The following MON1B variants were observed in gnomAD, a reference collection of about 807,000 sequenced individuals.
MON1B encodes the protein MON1 vesicular trafficking associated B, also known as vacuolar fusion protein MON1 homolog B.
A neutral mutation model predicts 45.1 loss-of-function variants in MON1B; 26 were observed. The observed-to-expected ratio is 0.58, with a 90% CI of 0.42 to 0.80. MON1B has a LOEUF of 0.80. Ranked by LOEUF, MON1B falls within the 30% of genes least tolerant of loss-of-function variation. The pLI is 0.00. For synonymous variants in MON1B, 395 were observed against 320.2 expected (o/e 1.23, Z -2.49); for missense variants, 737 against 754.5 (o/e 0.98, Z 0.27).
At chr16:77,191,443 C>T in intron 1 of MON1B, 33 bp from the exon 2 acceptor site, 1 of 1,577,726 alleles carries the variant, frequency 6.3e-7, no homozygotes, top group Non-Finnish European at 8.6e-7. Flanking sequence ...GTTTCTTTCA[C>T]CGCCCGTCAC....
In MON1B at chr16:77,200,389, T is replaced by G. The variant is rs1196041150; in HGVS notation, c.*2081T>G. 6.7e-6 allele frequency: 1 copy of G among 148,816 alleles called. No individual in the cohort carries two copies. Among genetic ancestry groups the G allele is most frequent in the Non-Finnish European group, 1.5e-5 (1 of 67,258 alleles). 9.2% of individuals were successfully genotyped at this position (148,816 alleles called of 1,614,324 possible). A position where few individuals can be genotyped will look rare whatever the true frequency, so the allele number is the denominator to read the frequency against. The stretch of plus-strand genomic sequence containing the variant: ...ATCACTTGAACCCGAGAGGCGGAGG[T>G]TGCAGTGAGCCGAGATCATGTCACT... On this transcript the variant is annotated 3_prime_UTR_variant, in exon 6 of 6. Transcript: ENST00000248248.
Position 77,193,346 on chromosome 16 carries a change from C to A in MON1B, c.149-105C>A. ...GGAGACACTTGGAGTTCTGCGTCAG[C>A]ATGCAGGGGTCATGGAGGGGCTAGT... On this transcript the variant is annotated intron_variant, in intron 2 of 5. Coordinates refer to ENST00000248248, the MANE Select transcript of MON1B (RefSeq NM_014940.4). This position sits in a 1 kb window ranked among gnomAD's most constrained non-coding sequence, Gnocchi z 5.0. 4 of 1,127,410 alleles carry A rather than the reference C, an allele frequency of 3.5e-6. No individual in the cohort carries two copies. The highest frequency in any genetic ancestry group is 5.0e-6 in the Non-Finnish European group (4 of 793,268). 69.8% of individuals were successfully genotyped at this position (1,127,410 alleles called of 1,614,324 possible).
At position 77,193,403 on chromosome 16, in the gene MON1B, T is replaced by C; in HGVS notation, c.149-48T>C. On this transcript the variant is annotated intron_variant, in intron 2 of 5. Coordinates refer to ENST00000248248, the MANE Select transcript of MON1B (RefSeq NM_014940.4). The surrounding 1 kb of genome is among the most constrained non-coding windows in gnomAD (Gnocchi z 5.0). ...TTGGTGGGTCCTTGGGGATGTGGGATTAGTTAGGAGTTCACATGCAGATGA... is the reference window on the plus strand; with the variant it reads ...TTGGTGGGTCCTTGGGGATGTGGGACTAGTTAGGAGTTCACATGCAGATGA... The C allele has an allele frequency of 6.7e-7, 1 of 1,489,298 alleles. No individual in the cohort carries two copies. The highest frequency in any genetic ancestry group is 9.0e-7 in the Non-Finnish European group (1 of 1,107,722). 92.3% of individuals were successfully genotyped at this position (1,489,298 alleles called of 1,614,324 possible). A position where few individuals can be genotyped will look rare whatever the true frequency, so the allele number is the denominator to read the frequency against.
intron 2 of MON1B, 80 bp downstream of exon 2, chr16:77,191,713 C>T: frequency 6.8e-7 from 1 of 1,481,108 alleles, no homozygotes; most frequent in Non-Finnish European, 9.1e-7. Context: ...CAGTGGGTGA[C>T]CAGTAGGGAG....
Position 77,199,539 on chromosome 16 carries a change from C to T in MON1B, c.*1231C>T, listed in dbSNP as rs752430911. 5.9e-6 allele frequency: 9 copies of T among 1,521,934 alleles called. No homozygotes were observed. In the East Asian group the frequency reaches 1.5e-4, roughly 25 times the overall value. The allele number at this position is 1,521,934 out of a possible 1,614,324, so 94.3% of individuals were successfully genotyped here. A position where few individuals can be genotyped will look rare whatever the true frequency, so the allele number is the denominator to read the frequency against. On this transcript the variant is annotated 3_prime_UTR_variant, in exon 6 of 6. Transcript: ENST00000248248. ...TAGTGAGGGCAAGTGGGCTGCACTC[C>T]TTTCTCTCCAACCAGGGCAGAAAGG...
chr16:77,200,291 T>TATACATATATATATATATATATATAC lies in MON1B; in HGVS notation c.*1984_*1985insTACATATATATATATATATATATACA. ...ATATATGTGTATATATATATATATA[T>TATACATATATATATATATATATATAC]ACACACACTAATCAGCCGGGCGCGG... On this transcript the variant is annotated 3_prime_UTR_variant, in exon 6 of 6. Transcript: ENST00000248248. 9.0e-6 allele frequency: 1 copy of TATACATATATATATATATATATATAC among 111,430 alleles called. No homozygotes were observed. The highest frequency in any genetic ancestry group is 3.4e-5 in the African/African-American group (1 of 29,728). The allele number at this position is 111,430 out of a possible 1,614,324, so 6.9% of individuals were successfully genotyped here.
In MON1B at chr16:77,199,004, T is replaced by G. The variant is rs2054698008; in HGVS notation, c.*696T>G. ...GATGCACTTAGCCTCTAAGCCTCGT[T>G]TTACTCATCTGTGAAACAGAGATAA... On this transcript the variant is annotated 3_prime_UTR_variant, in exon 6 of 6. Transcript: ENST00000248248. 1 of 163,216 alleles carries G rather than the reference T, an allele frequency of 6.1e-6. No homozygotes were observed. Among genetic ancestry groups the G allele is most frequent in the Non-Finnish European group, 1.3e-5 (1 of 75,040 alleles). 10.1% of individuals were successfully genotyped at this position (163,216 alleles called of 1,614,324 possible). A position where few individuals can be genotyped will look rare whatever the true frequency, so the allele number is the denominator to read the frequency against.
At position 77,199,512 on chromosome 16, in the gene MON1B, G is replaced by A. The variant is rs199890788; in HGVS notation, c.*1204G>A. 432 of 1,551,158 alleles carry A rather than the reference G, an allele frequency of 2.8e-4. 2 individuals are homozygous for A. Among genetic ancestry groups the A allele is most frequent in the South Asian group, 7.7e-4 (65 of 84,050 alleles). ...GCCAGAAGCTACTGAGGAGGCTGAA[G>A]GTAGTGAGGGCAAGTGGGCTGCACT... On this transcript the variant is annotated 3_prime_UTR_variant, in exon 6 of 6. Transcript: ENST00000248248.
Position 77,195,691 on chromosome 16 carries a change from GGCA to G in MON1B, c.1443+11_1443+13del, listed in dbSNP as rs2054658600. The G allele has an allele frequency of 6.2e-7, 1 of 1,613,784 alleles. No homozygotes were observed. The highest frequency in any genetic ancestry group is 8.5e-7 in the Non-Finnish European group (1 of 1,179,898). On this transcript the variant is annotated intron_variant, in intron 5 of 5. Coordinates refer to ENST00000248248, the MANE Select transcript of MON1B (RefSeq NM_014940.4). ...AGACACTACTGGCCTGGGTAAGTTG[GGCA>G]GGGCTCTGAGTGAATTAATTCCCCA...
chr16:77,192,320 G>A (rs941090766), intron 2 of MON1B, among the ~76,000 whole-genome samples: 4 of 152,180 alleles, frequency 2.6e-5, no homozygotes, highest in African/African-American at 9.7e-5. Flanking sequence ...TATTAGGAGG[G>A]AGTAAAGATA....
chr16:77,195,583 G>A lies in MON1B; in HGVS notation c.1344G>A (p.Leu448=). ...PYSREEERQR[L]SDLYHRLHAR... is the part of the protein sequence containing the mutation. Reference sequence around the variant, plus strand: ...GCAGAGAGGAGGAGCGGCAGCGGCTGTCGGACCTGTACCACCGCCTGCATG... The same window carrying A: ...GCAGAGAGGAGGAGCGGCAGCGGCTATCGGACCTGTACCACCGCCTGCATG... Residue 448 remains leucine, a synonymous_variant, in exon 5 of 6, where the codon CTG becomes CTA. Transcript: ENST00000248248. The A allele has an allele frequency of 1.2e-6, 2 of 1,614,030 alleles. No homozygotes were observed. The highest frequency in any genetic ancestry group is 1.7e-6 in the Non-Finnish European group (2 of 1,179,962).
In MON1B at chr16:77,200,232, GTATATATATATATATGTATATGTGTA is replaced by G. The variant is rs1454937365; in HGVS notation, c.*1938_*1963del. 7.6e-6 allele frequency: 1 copy of G among 132,140 alleles called. No individual in the cohort carries two copies. The highest frequency in any genetic ancestry group is 1.6e-5 in the Non-Finnish European group (1 of 62,570). The allele number at this position is 132,140 out of a possible 1,614,324, so 8.2% of individuals were successfully genotyped here. ...TTTATATGTATGTATGTATGTGTGT[GTATATATATATATATGTATATGTGTA>G]TATATATATATATGTGTATATATAT... On this transcript the variant is annotated 3_prime_UTR_variant, in exon 6 of 6. Transcript: ENST00000248248.
Position 77,193,182 on chromosome 16 carries a change from G to A in MON1B, c.149-269G>A, listed in dbSNP as rs1177878502. ...TGATTGAAAGGGAAGTAATTGGTCT[G>A]TAGGAACATAGCAAGTCCAGTGGAA... On this transcript the variant is annotated intron_variant, in intron 2 of 5. Coordinates refer to ENST00000248248, the MANE Select transcript of MON1B (RefSeq NM_014940.4). The surrounding 1 kb of genome is among the most constrained non-coding windows in gnomAD (Gnocchi z 5.0). 6.6e-6 allele frequency among the ~76,000 whole-genome samples: 1 copy of A among 152,118 alleles called. No individual in the cohort carries two copies.
rs1287142047 is a variant in MON1B at position 77,191,200 on chromosome 16, C to T, written c.-69C>T. 1 of 1,536,012 alleles carries T rather than the reference C, an allele frequency of 6.5e-7. No individual in the cohort carries two copies. The highest frequency in any genetic ancestry group is 1.2e-5 in the South Asian group (1 of 84,060). ...CCGGGCCGCACCCGGAAGTGTGATG[C>T]CACCGCCGCTACGGGGAAGTAATGG... On this transcript the variant is annotated 5_prime_UTR_variant, in exon 1 of 6. Transcript: ENST00000248248.
Position 77,200,291 on chromosome 16 carries a change from T to TATATATGTATATATATACACAC in MON1B, c.*1984_*1985insTATATGTATATATATACACACA. The TATATATGTATATATATACACAC allele has an allele frequency of 2.7e-5, 3 of 111,430 alleles. 1 individual carries two copies. The highest frequency in any genetic ancestry group is 1.0e-4 in the African/African-American group (3 of 29,728). The allele number at this position is 111,430 out of a possible 1,614,324, so 6.9% of individuals were successfully genotyped here. ...ATATATGTGTATATATATATATATA[T>TATATATGTATATATATACACAC]ACACACACTAATCAGCCGGGCGCGG... On this transcript the variant is annotated 3_prime_UTR_variant, in exon 6 of 6. Transcript: ENST00000248248.
chr16:77,198,200 G>A lies in MON1B; in HGVS notation c.1536G>A (p.Val512=), dbSNP rs1439261782. 3 of 1,614,160 alleles carry A rather than the reference G, an allele frequency of 1.9e-6. No individual in the cohort carries two copies. The highest frequency in any genetic ancestry group is 2.7e-5 in the African/African-American group (2 of 75,036). The change falls in exon 6 of 6, where the codon GTG becomes GTA. Residue 512 remains valine, a synonymous_variant. Coordinates refer to ENST00000248248, the MANE Select transcript of MON1B (RefSeq NM_014940.4). ...TAGTGACCAAACTCCTGCGCTGGGT[G>A]AAGAAAGAGGAGGACCGGCTCTTCA... is the stretch of plus-strand genomic sequence containing the variant. ...ILVVTKLLRW[V]KKEEDRLFIR...
chr16:77,192,563 G>T (rs2054625263), intron 2 of MON1B, among the ~76,000 whole-genome samples: 1 of 152,136 alleles, frequency 6.6e-6, no homozygotes. Context: ...TTAAAGTCTT[G>T]TGTGTTAGTG....
Position 77,201,950 on chromosome 16 carries a change from A to G in MON1B, c.*3642A>G, listed in dbSNP as rs1286762415. The G allele has an allele frequency of 4.6e-5, 7 of 152,230 alleles. No individual in the cohort carries two copies. Among genetic ancestry groups the G allele is most frequent in the Admixed American group, 3.3e-4 (5 of 15,282 alleles). 9.4% of individuals were successfully genotyped at this position (152,230 alleles called of 1,614,324 possible). ...GGGTATAGCCCTGTGTATGTTGCAC[A>G]GAAAAAGTATCTGAATGATAAAGGC... On this transcript the variant is annotated 3_prime_UTR_variant, in exon 6 of 6. Coordinates refer to ENST00000248248, the MANE Select transcript of MON1B (RefSeq NM_014940.4).
In MON1B at chr16:77,194,561, C is replaced by G; in HGVS notation, c.702C>G (p.Asp234Glu). 6.2e-7 allele frequency: 1 copy of G among 1,614,030 alleles called. No individual in the cohort carries two copies. Among genetic ancestry groups the G allele is most frequent in the Non-Finnish European group, 8.5e-7 (1 of 1,179,988 alleles). ...AGCGCACACTGGACCGACTTCTGGA[C>G]AGTATGGAGCAGGACCCAGGAGCCC... ...GSERTLDRLL[D>E]SMEQDPGALL... The change falls in exon 4 of 6, where the codon GAC (aspartate) becomes GAG (glutamate). Residue 234 changes from aspartate (D) to glutamate (E), a missense_variant. Asp to Glu is a conservative substitution (Grantham distance 45). Coordinates refer to ENST00000248248, the MANE Select transcript of MON1B (RefSeq NM_014940.4). This position sits in a 1 kb window ranked among gnomAD's most constrained non-coding sequence, Gnocchi z 8.1.
Sources: allele counts gnomAD v4.1 joint callset (sites outside exome capture counted in the v4.1 genomes callset), GRCh38; gene constraint gnomAD v4.1.1; non-coding constraint Gnocchi (gnomAD v3.1); transcripts MANE v1.5; gene names NCBI Gene and HGNC (gene_info 2026-07-23, HGNC 2026-07-21).